The following ESPN variants were observed in gnomAD, a reference collection of about 807,000 sequenced individuals.
ESPN encodes autosomal recessive deafness type 36 protein.
In ESPN, 68 loss-of-function variants were observed where a neutral mutation model predicts 77.7. That is an observed-to-expected ratio of 0.87 (90% CI 0.72 to 1.07). The LOEUF (loss-of-function observed/expected upper bound fraction) is 1.07, where lower values mean the gene tolerates loss of function less well. Ranked by LOEUF, ESPN falls within the 50% of genes least tolerant of loss-of-function variation. The pLI is 0.00. For missense variants in ESPN, 1,060 were observed against 1,239.0 expected, an observed-to-expected ratio of 0.86 and a Z score of 2.17; for synonymous variants, 449 against 567.1, an observed-to-expected ratio of 0.79 and a Z score of 2.96.
chr1:6,425,173 C>T lies in ESPN; in HGVS notation c.218C>T (p.Pro73Leu). The T allele has an allele frequency of 6.5e-7, 1 of 1,532,648 alleles. No individual in the cohort carries two copies. Among genetic ancestry groups the T allele is most frequent in the Non-Finnish European group, 8.7e-7 (1 of 1,146,338 alleles). 94.9% of individuals were successfully genotyped at this position (1,532,648 alleles called of 1,614,324 possible). A position where few individuals can be genotyped will look rare whatever the true frequency, so the allele number is the denominator to read the frequency against. Residue 73 changes from proline to leucine, a missense_variant, in exon 1 of 13, where the codon CCG becomes CTG. Coordinates refer to ENST00000645284, the MANE Select transcript of ESPN (RefSeq NM_031475.3). ...AAARARNGAT[P>L]AHDASATGHL... The stretch of plus-strand genomic sequence containing the variant: ...GCCCGCGCCCGCAACGGCGCCACAC[C>T]GGCCCACGACGCCTCCGCCACCGGC...
intron 5 of ESPN, among the ~76,000 whole-genome samples, chr1:6,441,936 A>G (rs1347013715): frequency 6.6e-6 from 1 of 152,230 alleles, no homozygotes; most frequent in Non-Finnish European, 1.5e-5. Flanking sequence ...CAGAGGCTGC[A>G]GGGGGGCCTG....
chr1:6,441,430 A>G (rs1441240630), intron 5 of ESPN, among the ~76,000 whole-genome samples: 3 of 152,148 alleles, frequency 2.0e-5, no homozygotes, highest in Non-Finnish European at 4.4e-5. Context: ...CCACATATGG[A>G]TAAAGTGAGT....
intron 6 of ESPN, among the ~76,000 whole-genome samples, chr1:6,445,361 C>T (rs571060997): frequency 3.0e-4 from 45 of 152,356 alleles, no homozygotes; most frequent in Admixed American, 1.0e-3. Context: ...TGTGGCCATC[C>T]GTACTCCCAA....
At position 6,440,570 on chromosome 1, in the gene ESPN, C is replaced by A. The variant is rs1364456574; in HGVS notation, c.676-56C>A. 272 of 979,322 alleles carry A rather than the reference C, an allele frequency of 2.8e-4. 1 individual carries two copies. Among genetic ancestry groups the A allele is most frequent in the Non-Finnish European group, 3.7e-4 (259 of 696,682 alleles). 60.7% of individuals were successfully genotyped at this position (979,322 alleles called of 1,614,324 possible). A position where few individuals can be genotyped will look rare whatever the true frequency, so the allele number is the denominator to read the frequency against. ...GGGCCACGGAGGTACAGGGGGCGGG[C>A]CTACAGGGGCCTGGCGCCCAGCCCC... On this transcript the variant is annotated intron_variant, in intron 3 of 12. Transcript: ENST00000645284.
In ESPN at chr1:6,427,413, G is replaced by T. The variant is rs951457015; in HGVS notation, c.295-813G>T. On this transcript the variant is annotated intron_variant, in intron 1 of 12. Coordinates refer to ENST00000645284, the MANE Select transcript of ESPN (RefSeq NM_031475.3). The surrounding 1 kb of genome is among the most constrained non-coding windows in gnomAD (Gnocchi z 4.6). ...TTTCTCAGCAGACACACACAATGGG[G>T]TGTGCACTGATGACACATTCAGCAG... Among the ~76,000 whole-genome samples the T allele has an allele frequency of 9.2e-5, 14 of 152,286 alleles. No individual in the cohort carries two copies. The highest frequency in any genetic ancestry group is 3.4e-4 in the African/African-American group (14 of 41,560).
chr1:6,459,006 G>A (rs1050202515), intron 12 of ESPN, among the ~76,000 whole-genome samples: 15 of 149,346 alleles, frequency 1.0e-4, no homozygotes, highest in Non-Finnish European at 1.9e-4. Context: ...TTTGGGAGGC[G>A]GAGGCAGAAT....
rs150708975 is a variant in ESPN at position 6,452,049 on chromosome 1, C to G, written c.2278C>G (p.Arg760Gly). 1 of 1,575,516 alleles carries G rather than the reference C, an allele frequency of 6.3e-7. No individual in the cohort carries two copies. Residue 760 changes from arginine (R) to glycine (G), a missense_variant, in exon 10 of 13, where the codon CGC (arginine) becomes GGC (glycine). By Grantham distance (125) the Arg-to-Gly change is moderately radical. Around this residue, in one of 3 missense-constraint regions of ESPN, gnomAD observed 374 missense variants for 381.4 expected, o/e 0.98. Transcript: ENST00000645284. ...CGAGTGGAAGCGCCAGGTGATGGTGCGCAAGATGCAGCTGAAGATGCAGGA... is the reference window on the plus strand; with the variant it reads ...CGAGTGGAAGCGCCAGGTGATGGTGGGCAAGATGCAGCTGAAGATGCAGGA... ...IPEWKRQVMVRKMQLKMQEEE... is the reference protein window; with the variant it reads ...IPEWKRQVMVGKMQLKMQEEE...
chr1:6,426,849 C>T (rs1407023725), intron 1 of ESPN, among the ~76,000 whole-genome samples: 1 of 152,118 alleles, frequency 6.6e-6, no homozygotes, highest in East Asian at 1.9e-4. Context: ...CCCCCACTCC[C>T]AGCTTTCTAG....
rs950710736 is a variant in ESPN at position 6,451,030 on chromosome 1, G to T, written c.1916-573G>T. Among the ~76,000 whole-genome samples, 1 of 152,196 alleles carries T rather than the reference G, an allele frequency of 6.6e-6. No individual in the cohort carries two copies. Among genetic ancestry groups the T allele is most frequent in the Non-Finnish European group, 1.5e-5 (1 of 68,034 alleles). ...AGCTGAGCCATGCTTTGCCATAAAG[G>T]TGCTCCCGGCTTGCAACCAATGTGT... On this transcript the variant is annotated intron_variant, in intron 8 of 12. Transcript: ENST00000645284. The surrounding 1 kb of genome is among the most constrained non-coding windows in gnomAD (Gnocchi z 4.3).
intron 10 of ESPN, among the ~76,000 whole-genome samples, chr1:6,452,864 CCAA>C (rs1186159888): frequency 6.6e-6 from 1 of 152,060 alleles, no homozygotes; most frequent in Non-Finnish European, 1.5e-5. Flanking sequence ...TTTTATTCAT[CCAA>C]CAACTATTCC....
chr1:6,432,691 G>A (rs1643293966), intron 2 of ESPN, among the ~76,000 whole-genome samples: 1 of 152,254 alleles, frequency 6.6e-6, no homozygotes, highest in Admixed American at 6.5e-5. Flanking sequence ...GGGGCTACCT[G>A]AACCCCTTGG....
intron 7 of ESPN, among the ~76,000 whole-genome samples, chr1:6,446,437 G>A (rs1569693875): frequency 6.6e-6 from 1 of 152,206 alleles, no homozygotes; most frequent in Non-Finnish European, 1.5e-5. Context: ...GGGCTGGGTG[G>A]AAGTGAAGCT....
At chr1:6,456,020 G>T in intron 10 of ESPN, 3 of 393,750 alleles carry the variant, frequency 7.6e-6, no homozygotes, top group Non-Finnish European at 1.3e-5. Flanking sequence ...CGCCGCCGCC[G>T]CCCCCGCCCG....
At position 6,460,044 on chromosome 1, in the gene ESPN, G is replaced by A; in HGVS notation, c.2463G>A (p.Lys821=). ...RQKQEELRRE[K]EQSEKLRTLG... is the part of the protein sequence containing the mutation. ...AGCAGGAGGAGCTGCGGCGGGAGAA[G>A]GAACAGTCAGAGAAGCTGCGGACGC... is the stretch of plus-strand genomic sequence containing the variant. Residue 821 remains lysine, a synonymous_variant, in exon 13 of 13, where the codon AAG becomes AAA. Transcript: ENST00000645284. The A allele has an allele frequency of 1.2e-6, 2 of 1,613,508 alleles. No homozygotes were observed. The highest frequency in any genetic ancestry group is 1.1e-5 in the South Asian group (1 of 91,076).
chr1:6,444,457 A>G, intron 5 of ESPN, 24 bp from the exon 6 acceptor site: 6 of 1,613,356 alleles, frequency 3.7e-6, no homozygotes, highest in Non-Finnish European at 3.4e-6. Flanking sequence ...GGTTGTCTTC[A>G]TGGCCTCCCT....
chr1:6,446,710 G>C (rs915083815), intron 7 of ESPN, among the ~76,000 whole-genome samples: 20 of 152,204 alleles, frequency 1.3e-4, no homozygotes, highest in Non-Finnish European at 2.2e-4. Context: ...CATAGGAACA[G>C]AGCAAGGATG....
chr1:6,449,471 T>C (rs933656727), intron 8 of ESPN, among the ~76,000 whole-genome samples: 4 of 152,208 alleles, frequency 2.6e-5, no homozygotes, highest in African/African-American at 9.7e-5. Context: ...GAGCTGGTAC[T>C]GGAGGGACAC....
At chr1:6,458,430 C>G (rs1244125526) in intron 12 of ESPN, among the ~76,000 whole-genome samples, 1 of 151,982 alleles carries the variant, frequency 6.6e-6, no homozygotes, top group African/African-American at 2.4e-5. Context: ...ATTCTCCTGC[C>G]TCAGCCTCCC....
downstream of ESPN, chr1:6,461,293 G>A (rs1644164199): frequency 6.5e-6 from 7 of 1,082,674 alleles, no homozygotes; most frequent in Admixed American, 8.1e-5. This position sits in a 1 kb window ranked among gnomAD's most constrained non-coding sequence, Gnocchi z 6.3. Flanking sequence ...GGGGCGAGCA[G>A]GGGTGGGGCC....
Sources: gnomAD v4.1 joint callset for allele counts (sites outside exome capture counted in the v4.1 genomes callset) on GRCh38, gnomAD v4.1.1 for gene constraint, gnomAD v4.1.1 regional missense constraint, Gnocchi (gnomAD v3.1) non-coding constraint, MANE v1.5 for transcripts, NCBI Gene and HGNC (gene_info 2026-07-23, HGNC 2026-07-21) for gene names.